KREMEN1: variants seen among roughly 807,000 people sequenced by gnomAD.
KREMEN1 encodes kremen protein 1.
In KREMEN1, 30 loss-of-function variants were observed where a neutral mutation model predicts 46.5. That is an observed-to-expected ratio of 0.65 (90% CI 0.48 to 0.88). The LOEUF is 0.88. Ranked by LOEUF, KREMEN1 falls within the 40% of genes least tolerant of loss-of-function variation. The pLI is 0.00. For synonymous variants in KREMEN1, 214 were observed against 230.6 expected (o/e 0.93, Z 0.65); for missense variants, 533 against 596.9 (o/e 0.89, Z 1.11).
intron 5 of KREMEN1, among the ~76,000 whole-genome samples, chr22:29,130,830 A>C (rs1026447964): frequency 3.3e-5 from 5 of 152,222 alleles, no homozygotes; most frequent in Admixed American, 1.3e-4. Flanking sequence ...CCCTCCACTC[A>C]CCCAGATTGT....
intron 9 of KREMEN1, among the ~76,000 whole-genome samples, chr22:29,152,535 C>A (rs760263760): frequency 2.0e-5 from 3 of 152,166 alleles, no homozygotes; most frequent in Non-Finnish European, 4.4e-5. Context: ...ACGGGCGAGG[C>A]CTGCCCTTCT....
intron 5 of KREMEN1, among the ~76,000 whole-genome samples, chr22:29,131,015 C>T (rs974344309): frequency 5.9e-5 from 9 of 152,074 alleles, no homozygotes; most frequent in African/African-American, 2.2e-4. Flanking sequence ...TAAGGTCTGC[C>T]CTTGCTATTG....
chr22:29,148,828 C>G (rs950217375), downstream of KREMEN1, among the ~76,000 whole-genome samples: 1 of 152,166 alleles, frequency 6.6e-6, no homozygotes, highest in African/African-American at 2.4e-5. Flanking sequence ...TCTCAGGAGA[C>G]AGCTTGGCCA....
chr22:29,133,247 C>CAAAAAAAAA (rs147076750), intron 5 of KREMEN1, among the ~76,000 whole-genome samples: 1 of 126,260 alleles, frequency 7.9e-6, no homozygotes. Context: ...GACTCCATCT[C>CAAAAAAAAA]AAAAAAAAAA....
At chr22:29,165,186 T>C (rs369552231) in intron 9 of KREMEN1, among the ~76,000 whole-genome samples, 1 of 148,842 alleles carries the variant, frequency 6.7e-6, no homozygotes, top group East Asian at 2.0e-4. Flanking sequence ...AAAATAAAAA[T>C]AAAAATAAAG....
intron 9 of KREMEN1, among the ~76,000 whole-genome samples, chr22:29,159,561 G>A (rs2038992988): frequency 6.6e-6 from 1 of 152,178 alleles, no homozygotes; most frequent in Non-Finnish European, 1.5e-5. Context: ...GGAGGTTGCA[G>A]TGAGCCGAGA....
At chr22:29,074,639 G>T (rs149000725) in intron 1 of KREMEN1, among the ~76,000 whole-genome samples, 2 of 152,358 alleles carry the variant, frequency 1.3e-5, no homozygotes, top group African/African-American at 4.8e-5. Flanking sequence ...AGGAAAACCC[G>T]CCTCTGGGTT....
chr22:29,149,829 G>A (rs1229200813), downstream of KREMEN1, among the ~76,000 whole-genome samples: 1 of 152,120 alleles, frequency 6.6e-6, no homozygotes, highest in Admixed American at 6.5e-5. Context: ...CACCACCCGG[G>A]AGCCAGCACC....
At chr22:29,161,439 A>G (rs538422239) in intron 9 of KREMEN1, among the ~76,000 whole-genome samples, 29 of 142,060 alleles carry the variant, frequency 2.0e-4, no homozygotes, top group Middle Eastern at 3.8e-3. Flanking sequence ...CCCGGGAGGC[A>G]GAGCTTGCAG....
intron 4 of KREMEN1, among the ~76,000 whole-genome samples, chr22:29,124,232 G>T (rs1163263246): frequency 6.6e-6 from 1 of 152,092 alleles, no homozygotes; most frequent in Non-Finnish European, 1.5e-5. Flanking sequence ...ATAAGAAGGA[G>T]TAAACTATTG....
At chr22:29,154,371 G>T (rs2038943131) in intron 9 of KREMEN1, 1 of 152,202 alleles carries the variant, frequency 6.6e-6, no homozygotes, top group East Asian at 1.9e-4. Context: ...ACCCTTTTCT[G>T]CCGACTCCCT....
chr22:29,125,188 C>A (rs1046670932), intron 4 of KREMEN1, 75 bp from the exon 5 acceptor site: 2 of 1,554,372 alleles, frequency 1.3e-6, no homozygotes, highest in Non-Finnish European at 1.8e-6. Context: ...GCTGGAAGCC[C>A]ACCCTGCCAG....
At chr22:29,078,494 A>AAAG (rs134606) in intron 1 of KREMEN1, among the ~76,000 whole-genome samples, 91,584 of 147,366 alleles carry the variant, frequency 0.62, 28,628 homozygotes, top group Middle Eastern at 0.76. Flanking sequence ...AAAAAAAAAA[A>AAAG]AAGAAGAAGA....
intron 9 of KREMEN1, among the ~76,000 whole-genome samples, chr22:29,159,014 T>C (rs1339043727): frequency 6.6e-6 from 1 of 152,086 alleles, no homozygotes; most frequent in Non-Finnish European, 1.5e-5. Flanking sequence ...AGACAGGGTT[T>C]CTCCATGTTG....
At chr22:29,152,630 C>A (rs2038923899) in intron 9 of KREMEN1, among the ~76,000 whole-genome samples, 1 of 151,776 alleles carries the variant, frequency 6.6e-6, no homozygotes, top group South Asian at 2.1e-4. Flanking sequence ...GCCCCTTGCA[C>A]CCCTCCACTC....
chr22:29,075,043 A>G (rs996310699), intron 1 of KREMEN1, among the ~76,000 whole-genome samples: 5 of 152,202 alleles, frequency 3.3e-5, no homozygotes, highest in African/African-American at 1.2e-4. Context: ...GCTTGGCTTT[A>G]AATTAGTAGA....
intron 9 of KREMEN1, among the ~76,000 whole-genome samples, chr22:29,163,171 G>A (rs2039026645): frequency 1.3e-5 from 2 of 152,064 alleles, no homozygotes; most frequent in South Asian, 2.1e-4. Flanking sequence ...GTGAGTGAAT[G>A]TCGCGAGATT....
chr22:29,120,252 GGGAGGAGGGAGAGGTGATGAAGGAAAT>G (rs1303088902), intron 3 of KREMEN1, among the ~76,000 whole-genome samples: 1,534 of 136,984 alleles, frequency 0.011, 5 homozygotes, highest in East Asian at 0.033. Flanking sequence ...GAAGGAAACA[GGGAGGAGGGAGAGGTGATGAAGGAAAT>G]GGAGGAGGGA....
downstream of KREMEN1, among the ~76,000 whole-genome samples, chr22:29,150,077 C>T (rs963669058): frequency 2.0e-5 from 3 of 152,258 alleles, no homozygotes; most frequent in Non-Finnish European, 2.9e-5. Context: ...TTTCGCTCAG[C>T]TCAAAGGGAC....
Sources: gnomAD v4.1 joint callset for allele counts (sites outside exome capture counted in the v4.1 genomes callset) on GRCh38, gnomAD v4.1.1 for gene constraint, MANE v1.5 for transcripts, NCBI Gene and HGNC (gene_info 2026-07-23, HGNC 2026-07-21) for gene names.